Variants in VWA8 observed in about 807,000 individuals in gnomAD.
The protein encoded by VWA8 is von Willebrand factor A domain containing 8.
A neutral mutation model predicts 241.5 loss-of-function variants in VWA8; 221 were observed. The observed-to-expected ratio is 0.91, with a 90% confidence interval of 0.82 to 1.02. The LOEUF (loss-of-function observed/expected upper bound fraction) is 1.02, where lower values mean the gene tolerates loss of function less well. Among genes scored for constraint, VWA8 ranks in the 50% least tolerant of loss-of-function variants. VWA8 has a pLI of 0.00. For synonymous variants in VWA8, 852 were observed against 827.1 expected (o/e 1.03, Z -0.52); for missense variants, 2,322 against 2,328.7 (o/e 1.00, Z 0.06).
intron 10 of VWA8, among the ~76,000 whole-genome samples, 158 bp downstream of exon 10, chr13:41,868,188 A>T (rs1308409781): frequency 6.6e-6 from 1 of 152,200 alleles, no homozygotes; most frequent in African/African-American, 2.4e-5. Flanking sequence ...TTTCCAGTTT[A>T]TAAGCACACA....
At chr13:41,945,381 A>C (rs534999174) in intron 2 of VWA8, among the ~76,000 whole-genome samples, 1 of 152,300 alleles carries the variant, frequency 6.6e-6, no homozygotes, top group South Asian at 2.1e-4. Flanking sequence ...ATTATAAGAA[A>C]TTAAGAAATA....
intron 30 of VWA8, 67 bp downstream of exon 30, chr13:41,692,795 G>A: frequency 7.8e-7 from 1 of 1,278,660 alleles, no homozygotes. Context: ...GGGCATGCAT[G>A]CATCTTTCTG....
At position 41,881,939 on chromosome 13, in the gene VWA8, T is replaced by C. The variant is rs1187189515; in HGVS notation, c.1080+1448A>G. The stretch of plus-strand genomic sequence containing the variant: ...CCTCCCTCCCGGACGGGGTGGCTGC[T>C]GGGCGGAGACGCTCCTCACTTCCCA... On this transcript the variant is annotated intron_variant, in intron 9 of 44. Coordinates refer to ENST00000379310, the MANE Select transcript of VWA8 (RefSeq NM_015058.2). 1.6e-4 allele frequency among the ~76,000 whole-genome samples: 23 copies of C among 144,824 alleles called. No homozygotes were observed. The South Asian group carries it at 5.1e-3, about 32-fold the overall frequency.
At chr13:41,914,597 CTA>C (rs1466821226) in intron 2 of VWA8, among the ~76,000 whole-genome samples, 1 of 152,200 alleles carries the variant, frequency 6.6e-6, no homozygotes, top group African/African-American at 2.4e-5. Flanking sequence ...ACAATGTTCT[CTA>C]TGCTGTAAAT....
intron 12 of VWA8, among the ~76,000 whole-genome samples, chr13:41,845,267 G>A (rs1872240520): frequency 6.6e-6 from 1 of 152,022 alleles, no homozygotes; most frequent in African/African-American, 2.4e-5. Flanking sequence ...CAGTTAGAAT[G>A]CCTATTACCT....
rs776971543 is a variant in VWA8, at chr13:41,729,522, T to A, written c.2638+20A>T. ...AACATTGTATTTATTAAAGGAAACA[T>A]TGCTTTCTAAAATACTCACTTGCAA... On this transcript the variant is annotated intron_variant, in intron 23 of 44. Coordinates refer to ENST00000379310, the MANE Select transcript of VWA8 (RefSeq NM_015058.2). 4.4e-6 allele frequency: 7 copies of A among 1,601,418 alleles called. No individual in the cohort carries two copies. The African/African-American group carries it at 8.1e-5, about 18-fold the overall frequency.
chr13:41,694,016 A>G (rs891201518), intron 29 of VWA8, among the ~76,000 whole-genome samples: 1 of 151,974 alleles, frequency 6.6e-6, no homozygotes, highest in African/African-American at 2.4e-5. Flanking sequence ...CACAAAGCAC[A>G]TGAAGAATTA....
chr13:41,640,115 ATTC>A (rs1445526915), intron 37 of VWA8, among the ~76,000 whole-genome samples: 1 of 152,306 alleles, frequency 6.6e-6, no homozygotes, highest in Non-Finnish European at 1.5e-5. Context: ...CCCCGCTCCT[ATTC>A]TTCTTAGATA....
intron 12 of VWA8, among the ~76,000 whole-genome samples, chr13:41,845,637 A>G (rs957759695): frequency 1.3e-5 from 2 of 152,154 alleles, no homozygotes; most frequent in South Asian, 4.1e-4. Context: ...ATGCAGCCAT[A>G]AAATAGAATG....
At chr13:41,648,923 C>T (rs546296442) in intron 37 of VWA8, among the ~76,000 whole-genome samples, 1 of 152,288 alleles carries the variant, frequency 6.6e-6, no homozygotes, top group East Asian at 1.9e-4. Flanking sequence ...GTGGCTCATG[C>T]CTGTAATCCC....
intron 17 of VWA8, among the ~76,000 whole-genome samples, chr13:41,795,000 C>T (rs1420781382): frequency 2.0e-5 from 3 of 152,064 alleles, no homozygotes; most frequent in Non-Finnish European, 4.4e-5. Flanking sequence ...AAACTATCAT[C>T]GGAGTGAACA....
chr13:41,908,700 A>G (rs1162544193), intron 3 of VWA8, among the ~76,000 whole-genome samples: 1 of 152,240 alleles, frequency 6.6e-6, no homozygotes, highest in Non-Finnish European at 1.5e-5. Context: ...ACCTGTTTCA[A>G]GATAATTTAT....
chr13:41,649,993 G>GTATTA (rs1434313482), intron 37 of VWA8, among the ~76,000 whole-genome samples: 4 of 152,118 alleles, frequency 2.6e-5, no homozygotes, highest in African/African-American at 9.7e-5. Context: ...TATGAACCTA[G>GTATTA]TATTAGCCCC....
At chr13:41,950,620 G>T (rs1259580879) in intron 1 of VWA8, among the ~76,000 whole-genome samples, 1 of 150,304 alleles carries the variant, frequency 6.7e-6, no homozygotes, top group African/African-American at 2.4e-5. Flanking sequence ...TGCCCGCCTT[G>T]GCCTCCCAAA....
At chr13:41,633,488 C>T (rs1307398605) in intron 37 of VWA8, among the ~76,000 whole-genome samples, 1 of 152,194 alleles carries the variant, frequency 6.6e-6, no homozygotes, top group Non-Finnish European at 1.5e-5. Flanking sequence ...CTGATAACTG[C>T]TCTCCTGGAA....
At chr13:41,943,262 C>G (rs1016614220) in intron 2 of VWA8, among the ~76,000 whole-genome samples, 8 of 152,032 alleles carry the variant, frequency 5.3e-5, no homozygotes, top group Non-Finnish European at 8.8e-5. Context: ...TTTCCAGTAT[C>G]AAGAACAAAA....
At chr13:41,944,132 T>TAATAATA (rs1555246631) in intron 2 of VWA8, among the ~76,000 whole-genome samples, 1 of 149,416 alleles carries the variant, frequency 6.7e-6, no homozygotes, top group Non-Finnish European at 1.5e-5. Flanking sequence ...ATAATAATAA[T>TAATAATA]AATAAATAAA....
At chr13:41,702,565 A>T (rs188378572) in intron 27 of VWA8, among the ~76,000 whole-genome samples, 5 of 152,352 alleles carry the variant, frequency 3.3e-5, no homozygotes, top group Non-Finnish European at 5.9e-5. Context: ...GGTCTGATCC[A>T]CAGCCTGTTT....
intron 12 of VWA8, among the ~76,000 whole-genome samples, chr13:41,853,457 GTTC>G (rs199631663): frequency 0.011 from 1,678 of 152,102 alleles, 34 homozygotes; most frequent in African/African-American, 0.039. Flanking sequence ...TTTGGTTTTA[GTTC>G]TTCTTTAAAT....
Sources: gnomAD v4.1 joint callset for allele counts (sites outside exome capture counted in the v4.1 genomes callset) on GRCh38, gnomAD v4.1.1 for gene constraint, MANE v1.5 for transcripts, NCBI Gene and HGNC (gene_info 2026-07-23, HGNC 2026-07-21) for gene names.